The following IKZF2 variants were observed in gnomAD, a reference collection of about 807,000 sequenced individuals.
The protein encoded by IKZF2 is zinc finger protein Helios.
Under a neutral mutation model 49.2 loss-of-function variants are expected in IKZF2, and 15 were observed. The ratio of observed to expected loss-of-function variants is 0.30; its 90% CI spans 0.20 to 0.47. The LOEUF (loss-of-function observed/expected upper bound fraction) is 0.47, where lower values mean the gene tolerates loss of function less well. IKZF2 is among the 20% of genes least tolerant of loss of function. The pLI, the probability that IKZF2 is intolerant of heterozygous loss-of-function variation, is 1.00. For synonymous variants in IKZF2, 227 were observed against 221.4 expected (o/e 1.03, Z -0.23); for missense variants, 567 against 664.6 (o/e 0.85, Z 1.61).
chr2:213,016,758 G>A (rs1349301305), intron 7 of IKZF2, among the ~76,000 whole-genome samples: 2 of 151,930 alleles, frequency 1.3e-5, no homozygotes, highest in African/African-American at 2.4e-5. Context: ...TAACCATAAC[G>A]GCAAAACCAT....
chr2:213,104,390 T>C (rs564111635), intron 4 of IKZF2, among the ~76,000 whole-genome samples: 1 of 152,210 alleles, frequency 6.6e-6, no homozygotes, highest in East Asian at 1.9e-4. Context: ...CCATCCTAAC[T>C]CGCCTATGTT....
At chr2:213,081,218 C>G (rs1477359508) in intron 4 of IKZF2, 1 of 152,494 alleles carries the variant, frequency 6.6e-6, no homozygotes, top group East Asian at 2.0e-4. Flanking sequence ...CAAACTGGAG[C>G]ATGGCCCAAA....
chr2:213,103,298 T>C (rs2059412935), intron 4 of IKZF2, among the ~76,000 whole-genome samples: 1 of 152,146 alleles, frequency 6.6e-6, no homozygotes, highest in South Asian at 2.1e-4. Context: ...CTAATGGCAA[T>C]GCTTAGATTT....
In IKZF2 at chr2:213,003,023, T is replaced by C. The variant is rs1695035139; in HGVS notation, c.*4337A>G. 1.3e-5 allele frequency: 2 copies of C among 152,010 alleles called. No individual in the cohort carries two copies. The highest frequency in any genetic ancestry group is 3.0e-5 in the Non-Finnish European group (2 of 67,642). The allele number at this position is 152,010 out of a possible 1,614,324, so 9.4% of individuals were successfully genotyped here. On this transcript the variant is annotated 3_prime_UTR_variant, in exon 9 of 9. Coordinates refer to ENST00000434687, the MANE Select transcript of IKZF2 (RefSeq NM_001387220.1). ...GTAAAGTCTAGTTTCAAAGTTTCCT[T>C]TTCCTTTTAACAGCTGAGCTGAAAA...
In IKZF2 at chr2:213,097,547, G is replaced by A. The variant is rs188912554; in HGVS notation, c.140-40448C>T. 3.1e-3 allele frequency among the ~76,000 whole-genome samples: 478 copies of A among 152,126 alleles called. 3 individuals carry two copies. The highest frequency in any genetic ancestry group is 0.011 in the African/African-American group (443 of 41,532). On this transcript the variant is annotated intron_variant, in intron 4 of 8. Coordinates refer to ENST00000434687, the MANE Select transcript of IKZF2 (RefSeq NM_001387220.1). Reference sequence around the variant, plus strand: ...TTTAGCCTTTATGTCCAGTAGATGAGTTATTCAAATGACTTTTAAGATCAG... The same window carrying A: ...TTTAGCCTTTATGTCCAGTAGATGAATTATTCAAATGACTTTTAAGATCAG...
chr2:213,023,160 A>G (rs556094746), intron 6 of IKZF2, among the ~76,000 whole-genome samples: 24 of 152,264 alleles, frequency 1.6e-4, no homozygotes, highest in African/African-American at 5.8e-4. Context: ...GGAATTATTT[A>G]GTTTTGCTCA....
At chr2:213,103,804 T>TAAAC (rs58487055) in intron 4 of IKZF2, among the ~76,000 whole-genome samples, 131,219 of 151,798 alleles carry the variant, frequency 0.86, 56,922 homozygotes, top group African/African-American at 0.91. Flanking sequence ...GTTACAGAAA[T>TAAAC]AAAGCTCAAA....
chr2:213,086,272 CTGTT>C (rs1329585646), intron 4 of IKZF2, among the ~76,000 whole-genome samples: 1 of 152,128 alleles, frequency 6.6e-6, no homozygotes, highest in Non-Finnish European at 1.5e-5. Context: ...AATGCTGTAA[CTGTT>C]TGAATAGTTC....
intron 4 of IKZF2, among the ~76,000 whole-genome samples, chr2:213,111,132 A>T (rs969825709): frequency 1.3e-5 from 2 of 152,034 alleles, no homozygotes; most frequent in East Asian, 3.8e-4. Context: ...ATTTTAAATG[A>T]ATTAATCCTT....
chr2:213,017,455 C>T (rs902053918), intron 7 of IKZF2, among the ~76,000 whole-genome samples: 1 of 152,164 alleles, frequency 6.6e-6, no homozygotes, highest in Non-Finnish European at 1.5e-5. Flanking sequence ...TACCATATCA[C>T]TGAATGACAC....
At chr2:213,058,159 G>C (rs536698791) in intron 4 of IKZF2, among the ~76,000 whole-genome samples, 1 of 152,204 alleles carries the variant, frequency 6.6e-6, no homozygotes, top group East Asian at 1.9e-4. Context: ...AAACCACACA[G>C]TCTGTGATTT....
intron 5 of IKZF2, among the ~76,000 whole-genome samples, chr2:213,054,464 A>G (rs1700961707): frequency 6.6e-6 from 1 of 152,188 alleles, no homozygotes; most frequent in Non-Finnish European, 1.5e-5. Context: ...TTTAAATTAA[A>G]GAAATGCAAA....
chr2:213,040,231 C>T (rs970234071), intron 6 of IKZF2, among the ~76,000 whole-genome samples: 3 of 134,872 alleles, frequency 2.2e-5, no homozygotes, highest in Admixed American at 8.2e-5. Flanking sequence ...TATAGGTAAA[C>T]TTGTGTCATG....
intron 4 of IKZF2, among the ~76,000 whole-genome samples, chr2:213,097,121 G>C (rs888671678): frequency 3.3e-5 from 5 of 151,772 alleles, no homozygotes; most frequent in African/African-American, 1.2e-4. Context: ...GTAAAATCAA[G>C]GCTAATGGCA....
chr2:213,066,408 C>T (rs1385118176), intron 4 of IKZF2, among the ~76,000 whole-genome samples: 1 of 152,054 alleles, frequency 6.6e-6, no homozygotes, highest in African/African-American at 2.4e-5. Flanking sequence ...GGGAACCCAA[C>T]AGGTTTCCAT....
intron 7 of IKZF2, among the ~76,000 whole-genome samples, chr2:213,015,893 G>C (rs538996736): frequency 6.6e-6 from 1 of 152,032 alleles, no homozygotes; most frequent in Admixed American, 6.6e-5. Context: ...AAACCTGGCA[G>C]TTTTGCTCTA....
intron 2 of IKZF2, among the ~76,000 whole-genome samples, chr2:213,149,784 C>CA (rs1280480598): frequency 7.6e-6 from 1 of 131,476 alleles, no homozygotes; most frequent in Non-Finnish European, 1.8e-5. Flanking sequence ...CTTACCCCCC[C>CA]CCCAAAAAAA....
rs186551866 is a variant in IKZF2, at chr2:213,106,224, T to A, written c.139+41484A>T. On this transcript the variant is annotated intron_variant, in intron 4 of 8. Coordinates refer to ENST00000434687, the MANE Select transcript of IKZF2 (RefSeq NM_001387220.1). ...CATATCTTTAAAATCAATCTTTTTTTAAAAAAATCTCTTTTGTGGTTGAAA... is the reference window on the plus strand; with the variant it reads ...CATATCTTTAAAATCAATCTTTTTTAAAAAAAATCTCTTTTGTGGTTGAAA... Among the ~76,000 whole-genome samples, 292 of 152,104 alleles carry A rather than the reference T, an allele frequency of 1.9e-3. 1 individual carries two copies. Among genetic ancestry groups the A allele is most frequent in the African/African-American group, 3.5e-3 (143 of 41,430 alleles).
At chr2:213,056,413 G>A (rs1248331764) in intron 5 of IKZF2, among the ~76,000 whole-genome samples, 1 of 152,122 alleles carries the variant, frequency 6.6e-6, no homozygotes, top group Admixed American at 6.6e-5. Context: ...GAGTTAACTG[G>A]ATAAAGTGAA....
Sources: gnomAD v4.1 joint callset for allele counts (sites outside exome capture counted in the v4.1 genomes callset) on GRCh38, gnomAD v4.1.1 for gene constraint, MANE v1.5 for transcripts, NCBI Gene and HGNC (gene_info 2026-07-23, HGNC 2026-07-21) for gene names.